The following CTNNA3 variants were observed in gnomAD, a reference collection of about 807,000 sequenced individuals.
CTNNA3 encodes catenin alpha 3, also known as catenin alpha-3.
CTNNA3 carries 76 observed loss-of-function variants against 95.7 expected under a neutral mutation model. That is an observed-to-expected ratio of 0.79 (90% CI 0.66 to 0.96). CTNNA3 has a LOEUF of 0.96. CTNNA3 is among the 40% of genes least tolerant of loss of function. The pLI is 0.00. For synonymous variants in CTNNA3, 431 were observed against 374.4 expected, an observed-to-expected ratio of 1.15 and a Z score of -1.74; for missense variants, 1,191 against 1,089.8, an observed-to-expected ratio of 1.09 and a Z score of -1.31.
At chr10:67,436,186 T>A (rs1846293816) in intron 5 of CTNNA3, among the ~76,000 whole-genome samples, 1 of 152,128 alleles carries the variant, frequency 6.6e-6, no homozygotes, top group Non-Finnish European at 1.5e-5. Context: ...TACAGCCAAC[T>A]GATCTTCAAC....
intron 5 of CTNNA3, among the ~76,000 whole-genome samples, chr10:67,374,295 T>C (rs1386993611): frequency 6.6e-6 from 1 of 152,192 alleles, no homozygotes; most frequent in East Asian, 1.9e-4. Context: ...TAACAACAGG[T>C]AGCCAGCCAG....
intron 2 of CTNNA3, among the ~76,000 whole-genome samples, chr10:67,611,685 T>C (rs1425053472): frequency 6.6e-6 from 1 of 152,190 alleles, no homozygotes; most frequent in Non-Finnish European, 1.5e-5. Flanking sequence ...CTTCCCAATA[T>C]AGTTCTGATT....
intron 5 of CTNNA3, among the ~76,000 whole-genome samples, chr10:67,339,046 A>T (rs1338363387): frequency 6.6e-6 from 1 of 152,194 alleles, no homozygotes; most frequent in Non-Finnish European, 1.5e-5. Flanking sequence ...CTTCTAGCTC[A>T]TAAGAAAATG....
intron 3 of CTNNA3, among the ~76,000 whole-genome samples, chr10:67,601,833 C>T (rs1232036907): frequency 6.6e-6 from 1 of 152,066 alleles, no homozygotes; most frequent in East Asian, 1.9e-4. Flanking sequence ...CACTTCTACC[C>T]ACATACTACA....
chr10:67,731,404 C>T (rs185162371), intron 1 of CTNNA3, among the ~76,000 whole-genome samples: 4 of 152,180 alleles, frequency 2.6e-5, no homozygotes, highest in Admixed American at 2.6e-4. Context: ...TCGGTTGAAC[C>T]TGGGAAGCGG....
chr10:66,144,615 G>A (rs1192860796), intron 13 of CTNNA3, among the ~76,000 whole-genome samples: 1 of 152,048 alleles, frequency 6.6e-6, no homozygotes, highest in Non-Finnish European at 1.5e-5. Flanking sequence ...AGCCTCCTGA[G>A]TAGCTGAGAT....
At chr10:66,221,251 A>G (rs2088912928) in intron 13 of CTNNA3, among the ~76,000 whole-genome samples, 1 of 141,758 alleles carries the variant, frequency 7.1e-6, no homozygotes, top group Non-Finnish European at 1.5e-5. Context: ...ATCTAATTAT[A>G]ACCTGGCTTA....
At chr10:66,261,108 T>C (rs562324962) in intron 13 of CTNNA3, among the ~76,000 whole-genome samples, 5 of 152,118 alleles carry the variant, frequency 3.3e-5, no homozygotes, top group Admixed American at 6.6e-5. Context: ...TCCTGTCAGG[T>C]AGTGATCTCT....
intron 17 of CTNNA3, 35 bp downstream of exon 17, chr10:65,966,577 C>T (rs768801721): frequency 6.4e-7 from 1 of 1,566,330 alleles, no homozygotes; most frequent in African/African-American, 1.3e-5. Flanking sequence ...AAGCATCTTC[C>T]ACCTGTGATC....
intron 5 of CTNNA3, among the ~76,000 whole-genome samples, chr10:67,484,519 T>C (rs1396263808): frequency 6.6e-6 from 1 of 152,068 alleles, no homozygotes; most frequent in African/African-American, 2.4e-5. Context: ...ACAGACAATC[T>C]ACAGAATGGG....
At position 67,183,495 on chromosome 10, in the gene CTNNA3, C is replaced by T. The variant is rs1319775403; in HGVS notation, c.844-2975G>A. The stretch of plus-strand genomic sequence containing the variant: ...ATAGGTGGGAATTGAACAATGAGAA[C>T]ACATGGACACAGGAAGGGGAACATC... On this transcript the variant is annotated intron_variant, in intron 6 of 17. Transcript: ENST00000433211. 2.0e-5 allele frequency among the ~76,000 whole-genome samples: 3 copies of T among 151,406 alleles called. No individual in the cohort carries two copies. The East Asian group carries it at 5.9e-4, about 30-fold the overall frequency.
At chr10:67,146,600 C>T (rs567026230) in intron 7 of CTNNA3, among the ~76,000 whole-genome samples, 9 of 152,244 alleles carry the variant, frequency 5.9e-5, no homozygotes, top group Non-Finnish European at 7.4e-5. Context: ...GGGCAAATAA[C>T]GTTCATTCTG....
intron 9 of CTNNA3, among the ~76,000 whole-genome samples, chr10:66,691,204 G>C (rs201086322): frequency 6.6e-6 from 1 of 152,162 alleles, no homozygotes; most frequent in African/African-American, 2.4e-5. Context: ...CCCTTTCCTA[G>C]TCAAAGAAAG....
chr10:67,446,438 G>C (rs1356128844), intron 5 of CTNNA3, among the ~76,000 whole-genome samples: 1 of 152,072 alleles, frequency 6.6e-6, no homozygotes, highest in Non-Finnish European at 1.5e-5. Context: ...ATCTTACTCA[G>C]AGTAAAATCT....
intron 1 of CTNNA3, among the ~76,000 whole-genome samples, chr10:67,708,115 G>C (rs561263899): frequency 3.3e-5 from 5 of 151,954 alleles, no homozygotes; most frequent in African/African-American, 1.2e-4. Context: ...TTGTTGCCTT[G>C]GTAATAATAG....
Position 67,263,812 on chromosome 10 carries a change from A to T in CTNNA3, c.580-43942T>A, listed in dbSNP as rs10997598. Among the ~76,000 whole-genome samples, 2,787 of 152,284 alleles carry T rather than the reference A, an allele frequency of 0.018. 235 individuals are homozygous for T. In the East Asian group the frequency reaches 0.25, roughly 14 times the overall value. On this transcript the variant is annotated intron_variant, in intron 5 of 17. Transcript: ENST00000433211. Reference sequence around the variant, plus strand: ...ATTCTGCTGTCGCTGGTGAAGAAGTAGCAAATCACAGCCAAAAAGGACACC... The same window carrying T: ...ATTCTGCTGTCGCTGGTGAAGAAGTTGCAAATCACAGCCAAAAAGGACACC...
chr10:66,149,747 T>C (rs1047074651), intron 13 of CTNNA3, among the ~76,000 whole-genome samples: 1 of 150,748 alleles, frequency 6.6e-6, no homozygotes, highest in African/African-American at 2.4e-5. Context: ...TTCAGATTAT[T>C]AAAATTACAG....
chr10:66,552,726 G>A (rs552033050), intron 10 of CTNNA3, among the ~76,000 whole-genome samples: 2 of 152,068 alleles, frequency 1.3e-5, no homozygotes, highest in East Asian at 3.9e-4. Context: ...CTCTTTAGGT[G>A]CACTAAAATT....
At chr10:67,554,455 G>C (rs1425036214) in intron 3 of CTNNA3, among the ~76,000 whole-genome samples, 2 of 152,172 alleles carry the variant, frequency 1.3e-5, no homozygotes, top group African/African-American at 4.8e-5. Flanking sequence ...CATTCTAAGT[G>C]GTGTGAGATG....
Sources: gnomAD v4.1 joint callset for allele counts (sites outside exome capture counted in the v4.1 genomes callset) on GRCh38, gnomAD v4.1.1 for gene constraint, MANE v1.5 for transcripts, NCBI Gene and HGNC (gene_info 2026-07-23, HGNC 2026-07-21) for gene names.